EVI5: variants seen among roughly 807,000 people sequenced by gnomAD.
EVI5 encodes the protein ecotropic viral integration site 5.
A neutral mutation model predicts 112.0 loss-of-function variants in EVI5; 73 were observed. That is an observed-to-expected ratio of 0.65 (90% confidence interval 0.54 to 0.79). EVI5 has a LOEUF of 0.79. Among genes scored for constraint, EVI5 ranks in the 30% least tolerant of loss-of-function variants. The probability of loss-of-function intolerance (pLI) is 0.00; values close to 1 mark genes in which losing one functional copy is unlikely to be tolerated. For missense variants in EVI5, 900 were observed against 968.8 expected (o/e 0.93, Z 0.94); for synonymous variants, 305 against 319.9 (o/e 0.95, Z 0.50).
chr1:92,634,329 A>C (rs1332810945), intron 14 of EVI5, among the ~76,000 whole-genome samples: 1 of 152,186 alleles, frequency 6.6e-6, no homozygotes, highest in African/African-American at 2.4e-5. Flanking sequence ...TCAGACGTAG[A>C]TTTGGTCTTT....
chr1:92,573,528 T>G (rs1196583352), intron 18 of EVI5, among the ~76,000 whole-genome samples: 2 of 152,082 alleles, frequency 1.3e-5, no homozygotes, highest in South Asian at 4.1e-4. Flanking sequence ...CCCACCATGG[T>G]AAATGTGGCC....
chr1:92,676,728 C>T (rs896517380), intron 10 of EVI5, among the ~76,000 whole-genome samples: 2 of 152,082 alleles, frequency 1.3e-5, no homozygotes, highest in Non-Finnish European at 2.9e-5. Flanking sequence ...AAGAAAAAGT[C>T]GTATCAGTCA....
At chr1:92,516,654 A>T (rs1431216250) in intron 19 of EVI5, among the ~76,000 whole-genome samples, 1 of 152,148 alleles carries the variant, frequency 6.6e-6, no homozygotes, top group Non-Finnish European at 1.5e-5. Context: ...AATATGTTCT[A>T]GAAGGGGCTG....
chr1:92,634,261 T>C lies in EVI5; in HGVS notation c.1527+1941A>G, dbSNP rs1658192525. On this transcript the variant is annotated intron_variant, in intron 14 of 19. Coordinates refer to ENST00000684568, the MANE Select transcript of EVI5 (RefSeq NM_001350197.2). ...AGATTGGGGAAGTTCTCCTGGATAA[T>C]ATCCTGCAGAGTTTTCCAACTTGGT... Among the ~76,000 whole-genome samples, 3 of 152,200 alleles carry C rather than the reference T, an allele frequency of 2.0e-5. No individual in the cohort carries two copies. In the South Asian group the frequency reaches 6.2e-4, roughly 32 times the overall value.
Position 92,697,979 on chromosome 1 carries a change from C to T in EVI5, c.646G>A (p.Glu216Lys). The stretch of plus-strand genomic sequence containing the variant: ...ACAAATACACAGAAAGCTTCTTCTT[C>T]TGGCATCTACATTGGAAGAAAAAAA... ...IVGLLLMQMP[E>K]EEAFCVFVKL... The change falls in exon 6 of 20, where the codon GAA becomes AAA. Residue 216 changes from glutamate (E) to lysine (K), a missense_variant. Glu to Lys is a moderately conservative substitution (Grantham distance 56). Transcript: ENST00000684568. The T allele has an allele frequency of 6.2e-7, 1 of 1,609,738 alleles. No homozygotes were observed. The highest frequency in any genetic ancestry group is 8.5e-7 in the Non-Finnish European group (1 of 1,178,364).
At chr1:92,733,661 C>T (rs1676863316) in intron 2 of EVI5, among the ~76,000 whole-genome samples, 1 of 152,092 alleles carries the variant, frequency 6.6e-6, no homozygotes, top group Non-Finnish European at 1.5e-5. Flanking sequence ...ATCCGCCCAC[C>T]TCAGCCTCCC....
intron 2 of EVI5, among the ~76,000 whole-genome samples, chr1:92,728,780 T>TA (rs1355640299): frequency 6.6e-6 from 1 of 152,202 alleles, no homozygotes; most frequent in Non-Finnish European, 1.5e-5. Flanking sequence ...TTAAATTGTG[T>TA]ACCATTCTGA....
At chr1:92,632,965 T>A (rs1018158234) in intron 14 of EVI5, among the ~76,000 whole-genome samples, 1 of 152,236 alleles carries the variant, frequency 6.6e-6, no homozygotes, top group African/African-American at 2.4e-5. Flanking sequence ...TTGTTCAGTT[T>A]CCATGCAGTT....
chr1:92,623,824 C>T (rs996525097), intron 16 of EVI5, among the ~76,000 whole-genome samples: 1 of 152,096 alleles, frequency 6.6e-6, no homozygotes, highest in Non-Finnish European at 1.5e-5. Context: ...GGACCAGCTC[C>T]GTAAAACAAA....
intron 18 of EVI5, among the ~76,000 whole-genome samples, chr1:92,589,743 T>A (rs1218227351): frequency 6.6e-6 from 1 of 152,208 alleles, no homozygotes; most frequent in Non-Finnish European, 1.5e-5. Context: ...TAAATGTCCC[T>A]GTCTGACAGC....
At chr1:92,696,503 GGTATACACCT>G (rs1164471352) in intron 6 of EVI5, among the ~76,000 whole-genome samples, 1 of 151,958 alleles carries the variant, frequency 6.6e-6, no homozygotes. Context: ...CAGGTGCAGT[GGTATACACCT>G]GTAGTTTCAG....
At chr1:92,769,902 G>C (rs1683140270) in intron 1 of EVI5, among the ~76,000 whole-genome samples, 1 of 151,974 alleles carries the variant, frequency 6.6e-6, no homozygotes, top group South Asian at 2.1e-4. Flanking sequence ...ACAAAAAAAA[G>C]ATCATGAGAA....
At chr1:92,562,462 G>A (rs1240396455) in intron 19 of EVI5, among the ~76,000 whole-genome samples, 2 of 152,046 alleles carry the variant, frequency 1.3e-5, no homozygotes, top group Admixed American at 6.6e-5. Flanking sequence ...CCTGGGAGGC[G>A]GAGCTTGCAG....
intron 2 of EVI5, among the ~76,000 whole-genome samples, chr1:92,708,849 G>A (rs1272727099): frequency 2.1e-4 from 32 of 152,066 alleles, no homozygotes; most frequent in Admixed American, 2.1e-3. Flanking sequence ...AGTTAATGAA[G>A]CCAGTCACAA....
intron 13 of EVI5, among the ~76,000 whole-genome samples, chr1:92,641,967 G>A (rs11589660): frequency 0.2 from 29,955 of 151,846 alleles, 3,515 homozygotes; most frequent in Non-Finnish European, 0.26. Context: ...GTGAAACCCC[G>A]TCTCTACTAA....
At chr1:92,686,673 A>G (rs543054285) in intron 9 of EVI5, among the ~76,000 whole-genome samples, 1 of 152,354 alleles carries the variant, frequency 6.6e-6, no homozygotes, top group East Asian at 1.9e-4. Flanking sequence ...AATCTCCTTA[A>G]GCTGATAAAC....
intron 16 of EVI5, among the ~76,000 whole-genome samples, chr1:92,616,059 T>C (rs1653055340): frequency 6.6e-6 from 1 of 152,194 alleles, no homozygotes; most frequent in Non-Finnish European, 1.5e-5. Context: ...CTTGGTTAGT[T>C]GAAAGACGGA....
intron 12 of EVI5, 131 bp downstream of exon 12, chr1:92,663,289 C>A: frequency 4.4e-6 from 2 of 457,936 alleles, no homozygotes; most frequent in South Asian, 5.1e-5. Context: ...CCACATATAC[C>A]ACCCAAAAAA....
intron 11 of EVI5, 103 bp downstream of exon 11, chr1:92,665,836 C>T: frequency 1.3e-6 from 1 of 741,180 alleles, no homozygotes; most frequent in Non-Finnish European, 2.3e-6. Flanking sequence ...GTCAATACTA[C>T]AACATAGGAG....
Sources: gnomAD v4.1 joint callset for allele counts (sites outside exome capture counted in the v4.1 genomes callset) on GRCh38, gnomAD v4.1.1 for gene constraint, MANE v1.5 for transcripts, NCBI Gene and HGNC (gene_info 2026-07-23, HGNC 2026-07-21) for gene names.